UGT1A8: variants seen among roughly 807,000 people sequenced by gnomAD.
UGT1A8 encodes UDP-glucuronosyltransferase 1A8.
A neutral mutation model predicts 45.3 loss-of-function variants in UGT1A8; 39 were observed. That is an observed-to-expected ratio of 0.86 (90% confidence interval 0.67 to 1.12). The LOEUF (loss-of-function observed/expected upper bound fraction) is 1.12, where lower values mean the gene tolerates loss of function less well. UGT1A8 is among the 50% of genes most tolerant of loss of function. The pLI, the probability that UGT1A8 is intolerant of heterozygous loss-of-function variation, is 0.00. For missense variants in UGT1A8, 719 were observed against 664.9 expected, an observed-to-expected ratio of 1.08 and a Z score of -0.90; for synonymous variants, 275 against 249.2, an observed-to-expected ratio of 1.10 and a Z score of -0.97.
At chr2:233,631,845 C>A (rs2073192278) in intron 1 of UGT1A8, among the ~76,000 whole-genome samples, 1 of 152,046 alleles carries the variant, frequency 6.6e-6, no homozygotes, top group East Asian at 1.9e-4. Context: ...TAATTAGATC[C>A]CATTTCTCAA....
intron 1 of UGT1A8, chr2:233,747,635 G>C: frequency 7.6e-6 from 12 of 1,581,768 alleles, no homozygotes; most frequent in Non-Finnish European, 1.0e-5. Context: ...TCAGGCACCT[G>C]AATGCTACTT....
chr2:233,755,122 C>T, intron 1 of UGT1A8: 1 of 1,328,086 alleles, frequency 7.5e-7, no homozygotes, highest in Non-Finnish European at 1.0e-6. Flanking sequence ...TAGGCCTCAG[C>T]CACCTGCTTG....
At position 233,758,069 on chromosome 2, in the gene UGT1A8, G is replaced by A. The variant is rs148016926; in HGVS notation, c.856-8965G>A. Among the ~76,000 whole-genome samples, 50 of 152,242 alleles carry A rather than the reference G, an allele frequency of 3.3e-4. No individual in the cohort carries two copies. In the East Asian group the frequency reaches 8.9e-3, roughly 27 times the overall value. ...AGGACCATTTCTAACTTGACTTTCT[G>A]GGCCTAGTTCCTAGCATAGTGACTG... On this transcript the variant is annotated intron_variant, in intron 1 of 4. Transcript: ENST00000373450.
intron 1 of UGT1A8, among the ~76,000 whole-genome samples, chr2:233,731,521 G>T (rs1358049437): frequency 1.3e-5 from 2 of 152,162 alleles, no homozygotes; most frequent in African/African-American, 2.4e-5. Context: ...ACCTATGAGT[G>T]AGAACATGCG....
intron 1 of UGT1A8, among the ~76,000 whole-genome samples, chr2:233,695,235 C>T (rs1369922009): frequency 1.3e-5 from 2 of 151,340 alleles, no homozygotes; most frequent in African/African-American, 4.9e-5. Context: ...AAGCGATTCT[C>T]CTGCCTCAGC....
At chr2:233,631,317 A>C (rs1006802992) in intron 1 of UGT1A8, among the ~76,000 whole-genome samples, 10 of 152,106 alleles carry the variant, frequency 6.6e-5, no homozygotes, top group Admixed American at 5.9e-4. Flanking sequence ...CATGTGCTTT[A>C]TAATAGAATG....
At chr2:233,692,893 G>C in intron 1 of UGT1A8, 1 of 1,527,424 alleles carries the variant, frequency 6.5e-7, no homozygotes, top group Non-Finnish European at 8.7e-7. Flanking sequence ...GCAAGGGAGA[G>C]GTAGACAGGA....
At position 233,767,472 on chromosome 2, in the gene UGT1A8, A is replaced by G. The variant is rs1018124; in HGVS notation, c.987+307A>G. 0.091 allele frequency among the ~76,000 whole-genome samples: 13,872 copies of G among 152,248 alleles called. 828 individuals carry two copies. The highest frequency in any genetic ancestry group is 0.2 in the East Asian group (1,015 of 5,184). On this transcript the variant is annotated intron_variant, in intron 2 of 4. Coordinates refer to ENST00000373450, the MANE Select transcript of UGT1A8 (RefSeq NM_019076.5). ...AATAAATGGGATATTGTTTCTTCAT[A>G]TTAAATAGAAGTATTTCTCCAAAAA...
At chr2:233,690,793 A>G in intron 1 of UGT1A8, 2 of 1,142,860 alleles carry the variant, frequency 1.7e-6, no homozygotes, top group Non-Finnish European at 2.2e-6. Flanking sequence ...ACACACACAC[A>G]CACACACCAT....
Position 233,617,772 on chromosome 2 carries a change from T to G in UGT1A8, c.65T>G (p.Phe22Cys). ...GTTTCTCTGCTGCTGACCTGTGGCT[T>G]TGCTGAGGCAGGGAAGCTGCTGGTA... is the stretch of plus-strand genomic sequence containing the variant. The part of the protein sequence containing the change: ...LCVSLLLTCG[F>C]AEAGKLLVVP... The change falls in exon 1 of 5, where the codon TTT becomes TGT. Residue 22 changes from phenylalanine (F) to cysteine (C), a missense_variant. Physicochemically the swap from Phe to Cys is radical, Grantham distance 205 (BLOSUM62 -2). Transcript: ENST00000373450. The G allele has an allele frequency of 6.2e-7, 1 of 1,614,134 alleles. No homozygotes were observed.
intron 1 of UGT1A8, among the ~76,000 whole-genome samples, chr2:233,727,388 C>T (rs1479838653): frequency 6.6e-6 from 1 of 152,174 alleles, no homozygotes; most frequent in Admixed American, 6.5e-5. Flanking sequence ...GTACCACCGT[C>T]TTCCAAGATA....
chr2:233,672,281 T>G, intron 1 of UGT1A8: 1 of 1,613,842 alleles, frequency 6.2e-7, no homozygotes, highest in Non-Finnish European at 8.5e-7. Flanking sequence ...TACAATGACA[T>G]TTTTGACTTA....
chr2:233,678,264 C>T (rs1040273160), intron 1 of UGT1A8, among the ~76,000 whole-genome samples: 1 of 152,188 alleles, frequency 6.6e-6, no homozygotes, highest in African/African-American at 2.4e-5. Context: ...CAGCATCACA[C>T]AATATACTCA....
chr2:233,756,647 A>G (rs924838506), intron 1 of UGT1A8, among the ~76,000 whole-genome samples: 33 of 152,308 alleles, frequency 2.2e-4, no homozygotes, highest in African/African-American at 5.1e-4. Flanking sequence ...GGGGATAAAC[A>G]TGGGATGCAG....
chr2:233,760,155 C>T (rs2125979369), intron 1 of UGT1A8: 1 of 1,487,916 alleles, frequency 6.7e-7, no homozygotes, highest in Admixed American at 2.1e-5. Flanking sequence ...GAACTCCCTG[C>T]TACCTTTGTG....
chr2:233,654,306 C>A (rs1347098867), intron 1 of UGT1A8, among the ~76,000 whole-genome samples: 2 of 152,120 alleles, frequency 1.3e-5, no homozygotes, highest in East Asian at 3.9e-4. Context: ...GGATTTGGAT[C>A]CTTAGGGAAT....
chr2:233,743,706 C>T (rs776716166), intron 1 of UGT1A8: 66 of 1,367,252 alleles, frequency 4.8e-5, no homozygotes, highest in Non-Finnish European at 6.3e-5. Context: ...TCCGCCCCCG[C>T]CTCGCCATAG....
chr2:233,753,461 T>C (rs1419895967), intron 1 of UGT1A8: 1 of 152,272 alleles, frequency 6.6e-6, no homozygotes, highest in Non-Finnish European at 1.5e-5. Context: ...ATGATTTTTC[T>C]GTAAAAAATT....
chr2:233,745,345 T>C (rs1184068068), intron 1 of UGT1A8, among the ~76,000 whole-genome samples: 1 of 151,834 alleles, frequency 6.6e-6, no homozygotes, highest in Non-Finnish European at 1.5e-5. Flanking sequence ...ACCATGAATT[T>C]TGGGGGAATT....
Sources: allele counts gnomAD v4.1 joint callset (sites outside exome capture counted in the v4.1 genomes callset), GRCh38; gene constraint gnomAD v4.1.1; transcripts MANE v1.5; gene names NCBI Gene and HGNC (gene_info 2026-07-23, HGNC 2026-07-21).